Variants in BATF observed in about 807,000 individuals in gnomAD.
The protein encoded by BATF is basic leucine zipper transcriptional factor ATF-like.
BATF carries 5 observed loss-of-function variants against 13.7 expected under a neutral mutation model. The ratio of observed to expected loss-of-function variants is 0.36; its 90% confidence interval spans 0.19 to 0.77. The LOEUF (loss-of-function observed/expected upper bound fraction) is 0.77. Among genes scored for constraint, BATF ranks in the 30% least tolerant of loss-of-function variants. BATF has a pLI of 0.51. For synonymous variants in BATF, 72 were observed against 67.5 expected (o/e 1.07, Z -0.33); for missense variants, 124 against 163.0 (o/e 0.76, Z 1.30).
At chr14:75,529,187 C>T (rs1233817103) in intron 2 of BATF, among the ~76,000 whole-genome samples, 4 of 152,138 alleles carry the variant, frequency 2.6e-5, no homozygotes, top group Non-Finnish European at 5.9e-5. Context: ...AAAAGATTAA[C>T]TGACCAACAT....
intron 2 of BATF, among the ~76,000 whole-genome samples, chr14:75,526,707 A>G (rs1387620309): frequency 6.6e-6 from 1 of 152,234 alleles, no homozygotes; most frequent in East Asian, 1.9e-4. Flanking sequence ...ACTGTGCTCA[A>G]CAGTCTGAAT....
At chr14:75,527,158 C>T (rs12431879) in intron 2 of BATF, among the ~76,000 whole-genome samples, 19,493 of 151,730 alleles carry the variant, frequency 0.13, 1,346 homozygotes, top group East Asian at 0.29. Flanking sequence ...TTAAAGAGCC[C>T]AACACAATGC....
In BATF at chr14:75,523,027, G is replaced by T. The variant is rs148351155; in HGVS notation, c.63+282G>T. The stretch of plus-strand genomic sequence containing the variant: ...GTTGCCACCCTAAAAAGCTTTCTAG[G>T]AAGCAAAGAGGAGGATGAACATCAA... On this transcript the variant is annotated intron_variant, in intron 1 of 2. Coordinates refer to ENST00000286639, the MANE Select transcript of BATF (RefSeq NM_006399.5). 7.4e-3 allele frequency among the ~76,000 whole-genome samples: 1,126 copies of T among 152,206 alleles called. 15 individuals carry two copies. The highest frequency in any genetic ancestry group is 0.026 in the African/African-American group (1,073 of 41,514).
At chr14:75,524,702 G>A (rs1215044386) in intron 1 of BATF, among the ~76,000 whole-genome samples, 2 of 151,872 alleles carry the variant, frequency 1.3e-5, no homozygotes, top group Non-Finnish European at 2.9e-5. Flanking sequence ...ACAGCTAAAA[G>A]AACAGCAAGA....
At chr14:75,525,236 C>T (rs1318785817) in intron 2 of BATF, 48 bp downstream of exon 2, 5 of 1,558,194 alleles carry the variant, frequency 3.2e-6, no homozygotes, top group African/African-American at 2.7e-5. Context: ...AGGCTTTGCC[C>T]TCCGCCATCT....
intron 2 of BATF, among the ~76,000 whole-genome samples, chr14:75,529,939 C>T (rs915316880): frequency 2.0e-5 from 3 of 151,862 alleles, no homozygotes; most frequent in African/African-American, 7.3e-5. Context: ...TGGCGGGTGC[C>T]TGTAGTCCCA....
At chr14:75,524,354 G>T (rs1253962527) in intron 1 of BATF, among the ~76,000 whole-genome samples, 1 of 152,222 alleles carries the variant, frequency 6.6e-6, no homozygotes, top group Non-Finnish European at 1.5e-5. Flanking sequence ...TGGGGCCATG[G>T]GGAATGTCAC....
At chr14:75,529,871 TG>T (rs1887707526) in intron 2 of BATF, among the ~76,000 whole-genome samples, 1 of 152,044 alleles carries the variant, frequency 6.6e-6, no homozygotes. Context: ...GAGACCATCC[TG>T]GCTAACACAG....
chr14:75,542,403 A>G (rs17103416), intron 2 of BATF, among the ~76,000 whole-genome samples: 3,303 of 152,270 alleles, frequency 0.022, 110 homozygotes, highest in African/African-American at 0.076. Context: ...AGACATGCAT[A>G]TGGGAGAAGC....
chr14:75,541,475 G>T (rs1887895510), intron 2 of BATF, among the ~76,000 whole-genome samples: 1 of 152,170 alleles, frequency 6.6e-6, no homozygotes. Flanking sequence ...GTCAGCCCTT[G>T]TCCAGAATAT....
intron 2 of BATF, among the ~76,000 whole-genome samples, chr14:75,528,631 G>A (rs1001451587): frequency 2.0e-5 from 3 of 152,170 alleles, no homozygotes; most frequent in Admixed American, 6.5e-5. Flanking sequence ...TGCACACTTA[G>A]TTCCTTTTCT....
chr14:75,539,932 G>T (rs1467207373), intron 2 of BATF, among the ~76,000 whole-genome samples: 1 of 152,144 alleles, frequency 6.6e-6, no homozygotes, highest in African/African-American at 2.4e-5. Context: ...GACGTACAGG[G>T]GCTGGTAACT....
Position 75,546,593 on chromosome 14 carries a change from G to C in BATF, c.300G>C (p.Thr100=), listed in dbSNP as rs1887989697. 1 of 1,613,832 alleles carries C rather than the reference G, an allele frequency of 6.2e-7. No homozygotes were observed. Among genetic ancestry groups the C allele is most frequent in the South Asian group, 1.1e-5 (1 of 91,060 alleles). Residue 100 remains threonine (T), a synonymous_variant, in exon 3 of 3, where the codon ACG becomes ACC. Transcript: ENST00000286639. The stretch of plus-strand genomic sequence containing the variant: ...TGTGCTCGGTGCTGGCCGCCAGCAC[G>C]CCCTCGCCCCCCGAGGTGGTGTACA... ...EPLCSVLAAS[T]PSPPEVVYSA...
chr14:75,535,270 T>A (rs956418379), intron 2 of BATF, among the ~76,000 whole-genome samples: 1 of 151,920 alleles, frequency 6.6e-6, no homozygotes, highest in African/African-American at 2.4e-5. Flanking sequence ...ATAAAAATAA[T>A]TAGCCAGGCG....
rs1887622448 is a variant in BATF at position 75,524,455 on chromosome 14, G to A, written c.64-629G>A. Among the ~76,000 whole-genome samples the A allele has an allele frequency of 2.0e-5, 3 of 152,336 alleles. No homozygotes were observed. In the South Asian group the frequency reaches 6.2e-4, roughly 32 times the overall value. ...AGCAGAAGACCACATGGGGTGCAGA[G>A]TAGCTAGCGGGGAAGGGTCTTGGAA... On this transcript the variant is annotated intron_variant, in intron 1 of 2. Transcript: ENST00000286639.
intron 2 of BATF, among the ~76,000 whole-genome samples, chr14:75,533,949 GT>G (rs961100956): frequency 2.0e-5 from 3 of 152,126 alleles, no homozygotes; most frequent in Admixed American, 1.3e-4. Context: ...CTAGGCAGGT[GT>G]TTACATAAGG....
chr14:75,539,335 C>G (rs1425188588), intron 2 of BATF, among the ~76,000 whole-genome samples: 1 of 152,058 alleles, frequency 6.6e-6, no homozygotes, highest in Non-Finnish European at 1.5e-5. Flanking sequence ...CTTCACCTCC[C>G]TCCCGCCCAT....
intron 2 of BATF, among the ~76,000 whole-genome samples, chr14:75,541,162 C>T (rs942473641): frequency 2.0e-5 from 3 of 152,114 alleles, no homozygotes; most frequent in South Asian, 2.1e-4. Context: ...TGGTTTCTAT[C>T]CACCTTTTTC....
At chr14:75,529,129 A>T (rs1279757806) in intron 2 of BATF, among the ~76,000 whole-genome samples, 4 of 152,244 alleles carry the variant, frequency 2.6e-5, no homozygotes, top group Non-Finnish European at 5.9e-5. Flanking sequence ...AGTGAAAAAA[A>T]ATCATATGAC....
Sources: gnomAD v4.1 joint callset for allele counts (sites outside exome capture counted in the v4.1 genomes callset) on GRCh38, gnomAD v4.1.1 for gene constraint, MANE v1.5 for transcripts, NCBI Gene and HGNC (gene_info 2026-07-23, HGNC 2026-07-21) for gene names.